Variants in CDH11 observed in about 807,000 individuals in gnomAD.
CDH11 encodes the protein cadherin 11.
Under a neutral mutation model 67.8 loss-of-function variants are expected in CDH11, and 11 were observed. The observed-to-expected ratio is 0.16, with a 90% CI of 0.10 to 0.27. The LOEUF (loss-of-function observed/expected upper bound fraction) is 0.27. Ranked by LOEUF, CDH11 falls within the 10% of genes least tolerant of loss-of-function variation. CDH11 has a pLI of 1.00. For synonymous variants in CDH11, 419 were observed against 400.0 expected (o/e 1.05, Z -0.57); for missense variants, 847 against 1,031.2 (o/e 0.82, Z 2.45).
intron 11 of CDH11, among the ~76,000 whole-genome samples, chr16:64,971,065 G>A (rs959126098): frequency 6.6e-6 from 1 of 152,136 alleles, no homozygotes; most frequent in East Asian, 1.9e-4. Flanking sequence ...TTTTTATAAT[G>A]GACAAACAAT....
At chr16:65,065,400 A>G (rs1421461475) in intron 1 of CDH11, among the ~76,000 whole-genome samples, 1 of 152,258 alleles carries the variant, frequency 6.6e-6, no homozygotes, top group Non-Finnish European at 1.5e-5. Flanking sequence ...ACAGCATGAA[A>G]TAATTTGAAT....
intron 1 of CDH11, among the ~76,000 whole-genome samples, chr16:65,094,403 T>C (rs1233533819): frequency 6.6e-6 from 1 of 151,762 alleles, no homozygotes; most frequent in Non-Finnish European, 1.5e-5. Context: ...CCTTAAACAA[T>C]AACCCAAAAA....
chr16:65,121,875 C>T lies in CDH11; in HGVS notation c.-298+5G>A. 1.4e-6 allele frequency: 1 copy of T among 702,020 alleles called. No homozygotes were observed. Among genetic ancestry groups the T allele is most frequent in the Non-Finnish European group, 2.6e-6 (1 of 384,650 alleles). 43.5% of individuals were successfully genotyped at this position (702,020 alleles called of 1,614,324 possible). A position where few individuals can be genotyped will look rare whatever the true frequency, so the allele number is the denominator to read the frequency against. ...CGAGAGGAAGGGACTGGCGGCGCAC[C>T]TCACCTGGGGCCCTTGAGGGTGGAC... On this transcript the variant is annotated splice_donor_5th_base_variant and intron_variant, in intron 1 of 12. Transcript: ENST00000268603. This position sits in a 1 kb window ranked among gnomAD's most constrained non-coding sequence, Gnocchi z 4.1.
chr16:65,041,932 T>C (rs2073874985), intron 2 of CDH11, among the ~76,000 whole-genome samples: 2 of 152,200 alleles, frequency 1.3e-5, no homozygotes, highest in Non-Finnish European at 2.9e-5. Context: ...ATCTGAGTAA[T>C]GGTCCAGGAG....
chr16:64,968,633 T>A (rs558829410), intron 11 of CDH11: 1 of 825,112 alleles, frequency 1.2e-6, no homozygotes, highest in East Asian at 1.2e-4. Flanking sequence ...TGGCTTTTCC[T>A]CTTATATTTC....
chr16:65,034,901 A>T (rs1358847547), intron 2 of CDH11, among the ~76,000 whole-genome samples: 1 of 152,156 alleles, frequency 6.6e-6, no homozygotes, highest in African/African-American at 2.4e-5. Flanking sequence ...ACTGGCTTTC[A>T]CAAATAGCCT....
intron 2 of CDH11, among the ~76,000 whole-genome samples, chr16:65,021,569 C>CACACATATATAT (rs4048808): frequency 2.0e-4 from 28 of 139,000 alleles, no homozygotes; most frequent in South Asian, 4.5e-4. Context: ...CACACACACA[C>CACACATATATAT]ATATATATAT....
intron 2 of CDH11, among the ~76,000 whole-genome samples, chr16:65,046,184 G>C (rs879824925): frequency 1.3e-5 from 2 of 152,188 alleles, no homozygotes; most frequent in Non-Finnish European, 2.9e-5. Context: ...TTGAGATGCC[G>C]TGTTGACTCT....
In CDH11 at chr16:64,945,399, A is replaced by C. The variant is rs2071179657; in HGVS notation, c.*2204T>G. On this transcript the variant is annotated 3_prime_UTR_variant, in exon 13 of 13. Transcript: ENST00000268603. ...AAGACTTCAACATAAAAATGCGAAA[A>C]TGTAGTTGTCATCTCTAATCCAAAT... is the stretch of plus-strand genomic sequence containing the variant. 3 of 1,036,034 alleles carry C rather than the reference A, an allele frequency of 2.9e-6. No homozygotes were observed. The highest frequency in any genetic ancestry group is 4.6e-5 in the South Asian group (1 of 21,698). 64.2% of individuals were successfully genotyped at this position (1,036,034 alleles called of 1,614,324 possible).
intron 11 of CDH11, among the ~76,000 whole-genome samples, chr16:64,958,271 C>A (rs2071573377): frequency 6.6e-6 from 1 of 152,212 alleles, no homozygotes; most frequent in African/African-American, 2.4e-5. Context: ...TCCACACAGT[C>A]AGAGTTTACT....
intron 2 of CDH11, among the ~76,000 whole-genome samples, chr16:65,044,068 A>G (rs566245660): frequency 6.6e-6 from 1 of 152,292 alleles, no homozygotes; most frequent in Non-Finnish European, 1.5e-5. Context: ...TCCCTTTTGA[A>G]AATGGATGAG....
intron 1 of CDH11, among the ~76,000 whole-genome samples, chr16:65,059,316 G>A (rs2074199422): frequency 1.3e-5 from 2 of 152,164 alleles, no homozygotes; most frequent in South Asian, 4.1e-4. Flanking sequence ...TCCATAAAGA[G>A]TTTCTGAGCC....
At chr16:65,061,936 T>C (rs751126471) in intron 1 of CDH11, among the ~76,000 whole-genome samples, 2 of 152,124 alleles carry the variant, frequency 1.3e-5, no homozygotes, top group African/African-American at 2.4e-5. Flanking sequence ...AACTAGGAAA[T>C]TGGAGCACAA....
chr16:65,122,196 G>A, upstream of CDH11: 3 of 541,790 alleles, frequency 5.5e-6, no homozygotes, highest in Non-Finnish European at 9.7e-6. Context: ...GGGGCTGAGA[G>A]AAGCCGAGGC....
intron 6 of CDH11, among the ~76,000 whole-genome samples, chr16:64,989,793 T>C (rs1303865159): frequency 6.6e-6 from 1 of 152,210 alleles, no homozygotes; most frequent in Non-Finnish European, 1.5e-5. Context: ...ACACACAATA[T>C]AGGGAAGCCA....
Position 64,991,750 on chromosome 16 carries a change from CCAAGT to C in CDH11, c.811+13_811+17del, listed in dbSNP as rs2072633438. On this transcript the variant is annotated intron_variant, in intron 6 of 12. Transcript: ENST00000268603. ...CTGTGTCACCATGGAAAAGTGAAAG[CCAAGT>C]CCACCTACTTACTCTGCGGAAACTT... 1 of 1,595,390 alleles carries C rather than the reference CCAAGT, an allele frequency of 6.3e-7. No homozygotes were observed. The highest frequency in any genetic ancestry group is 1.7e-5 in the Admixed American group (1 of 59,832).
At chr16:64,972,837 C>T in intron 9 of CDH11, 67 bp downstream of exon 9, 1 of 1,526,174 alleles carries the variant, frequency 6.6e-7, no homozygotes, top group Non-Finnish European at 9.0e-7. Flanking sequence ...TTTTACTTTC[C>T]AGAATATAGA....
At chr16:65,119,805 T>C (rs1490386668) in intron 1 of CDH11, among the ~76,000 whole-genome samples, 1 of 152,224 alleles carries the variant, frequency 6.6e-6, no homozygotes, top group Non-Finnish European at 1.5e-5. Context: ...ATTTACAATG[T>C]TTCAAAAGTA....
intron 1 of CDH11, among the ~76,000 whole-genome samples, chr16:65,060,045 G>A (rs1013886197): frequency 6.6e-6 from 1 of 151,952 alleles, no homozygotes; most frequent in Admixed American, 6.6e-5. Context: ...ACACGCCATC[G>A]GTATTATTGC....
Sources: gnomAD v4.1 joint callset for allele counts (sites outside exome capture counted in the v4.1 genomes callset) on GRCh38, gnomAD v4.1.1 for gene constraint, Gnocchi (gnomAD v3.1) non-coding constraint, MANE v1.5 for transcripts, NCBI Gene and HGNC (gene_info 2026-07-23, HGNC 2026-07-21) for gene names.